PADI2: variants seen among roughly 807,000 people sequenced by gnomAD.
PADI2 encodes the protein peptidyl arginine deiminase 2.
PADI2 carries 70 observed loss-of-function variants against 81.1 expected under a neutral mutation model. The observed-to-expected ratio is 0.86, with a 90% confidence interval of 0.71 to 1.05. The LOEUF (loss-of-function observed/expected upper bound fraction) is 1.05. Among genes scored for constraint, PADI2 ranks in the 50% least tolerant of loss-of-function variants. The pLI is 0.00. For missense variants in PADI2, 853 were observed against 889.9 expected, an observed-to-expected ratio of 0.96 and a Z score of 0.53; for synonymous variants, 338 against 358.0, an observed-to-expected ratio of 0.94 and a Z score of 0.63.
At position 17,076,866 on chromosome 1, in the gene PADI2, C is replaced by T. The variant is rs118023714; in HGVS notation, c.1311-1043G>A. ...TGCTGGGATTACAGGTGTGAGCCAC[C>T]GCTCCCGGCCAGCCCTTCCTCATTT... On this transcript the variant is annotated intron_variant, in intron 11 of 15. Transcript: ENST00000375486. Among the ~76,000 whole-genome samples, 1,045 of 152,202 alleles carry T rather than the reference C, an allele frequency of 6.9e-3. 36 individuals are homozygous for T. In the East Asian group the frequency reaches 0.1, roughly 15 times the overall value.
intron 5 of PADI2, 27 bp downstream of exon 5, chr1:17,093,540 C>A (rs770901242): frequency 2.8e-6 from 4 of 1,414,962 alleles, no homozygotes; most frequent in Non-Finnish European, 4.0e-6. Flanking sequence ...TCTCATCCTG[C>A]CCCCCAAGTG....
intron 10 of PADI2, among the ~76,000 whole-genome samples, chr1:17,082,344 A>G (rs1032143785): frequency 2.0e-5 from 3 of 152,080 alleles, no homozygotes; most frequent in Non-Finnish European, 4.4e-5. Flanking sequence ...AAAACTCTCT[A>G]TGTTTTGGAA....
intron 4 of PADI2, among the ~76,000 whole-genome samples, chr1:17,094,301 C>T (rs928047191): frequency 6.6e-6 from 1 of 152,204 alleles, no homozygotes; most frequent in Admixed American, 6.5e-5. Flanking sequence ...CCTTGCCCCT[C>T]GCTCACTCTG....
intron 1 of PADI2, among the ~76,000 whole-genome samples, chr1:17,113,027 C>T (rs1316130360): frequency 6.6e-6 from 1 of 152,156 alleles, no homozygotes; most frequent in Non-Finnish European, 1.5e-5. Flanking sequence ...TCCTTCAAGA[C>T]CCAGCTCAGT....
rs779855737 is a variant in PADI2, at chr1:17,105,021, A to G, written c.133T>C (p.Ser45Pro). Residue 45 changes from serine to proline, a missense_variant, in exon 2 of 16, where the codon TCG (serine) becomes CCG (proline). Coordinates refer to ENST00000375486, the MANE Select transcript of PADI2 (RefSeq NM_007365.3). Reference sequence around the variant, plus strand: ...ACCACCTCCACCCACACGTGTTCCGAGTGCTTCAGGCTGAAGGTTTGGGCC... The same window carrying G: ...ACCACCTCCACCCACACGTGTTCCGGGTGCTTCAGGCTGAAGGTTTGGGCC... ...AGAQTFSLKH[S>P]EHVWVEVVRD... 1 of 1,602,344 alleles carries G rather than the reference A, an allele frequency of 6.2e-7. No homozygotes were observed. Among genetic ancestry groups the G allele is most frequent in the Admixed American group, 1.7e-5 (1 of 59,582 alleles).
chr1:17,089,494 C>T (rs1451174308), intron 6 of PADI2, among the ~76,000 whole-genome samples: 1 of 152,190 alleles, frequency 6.6e-6, no homozygotes, highest in Non-Finnish European at 1.5e-5. Flanking sequence ...CCACCAAGGT[C>T]TGGGGTAGGA....
rs189842858 is a variant in PADI2, at chr1:17,083,881, G to A, written c.939-44C>T. 12 of 1,160,234 alleles carry A rather than the reference G, an allele frequency of 1.0e-5. No homozygotes were observed. In the East Asian group the frequency reaches 1.4e-4, roughly 14 times the overall value. 71.9% of individuals were successfully genotyped at this position (1,160,234 alleles called of 1,614,324 possible). A position where few individuals can be genotyped will look rare whatever the true frequency, so the allele number is the denominator to read the frequency against. ...AAGGAGAGGCCAGGAGAAAGGGTGA[G>A]GAGGGGCCAGAGTCATCTCCCTGAG... On this transcript the variant is annotated intron_variant, in intron 8 of 15. Transcript: ENST00000375486.
At chr1:17,093,711 G>A (rs1930794675) in intron 4 of PADI2, 27 bp from the exon 5 acceptor site, 1 of 1,349,812 alleles carries the variant, frequency 7.4e-7, no homozygotes, top group African/African-American at 1.4e-5. Flanking sequence ...AAAGGTCAGT[G>A]CCCTCTTCTC....
intron 3 of PADI2, 103 bp from the exon 4 acceptor site, chr1:17,096,073 T>C (rs1930916516): frequency 1.2e-6 from 1 of 820,310 alleles, no homozygotes; most frequent in Admixed American, 2.4e-5. Flanking sequence ...GCCATTCATT[T>C]GGTCACGGGA....
chr1:17,084,005 A>C (rs538203343), intron 8 of PADI2, among the ~76,000 whole-genome samples, 168 bp from the exon 9 acceptor site: 1 of 152,354 alleles, frequency 6.6e-6, no homozygotes, highest in East Asian at 1.9e-4. Context: ...TCAAAGGCCA[A>C]GTAAACCCAC....
intron 13 of PADI2, among the ~76,000 whole-genome samples, chr1:17,072,932 C>T (rs551373913): frequency 6.6e-6 from 1 of 152,160 alleles, no homozygotes; most frequent in South Asian, 2.1e-4. Flanking sequence ...AACAAACTTC[C>T]CATCAGTGGG....
At chr1:17,089,774 G>A (rs894906722) in intron 6 of PADI2, among the ~76,000 whole-genome samples, 1 of 152,156 alleles carries the variant, frequency 6.6e-6, no homozygotes, top group Non-Finnish European at 1.5e-5. Flanking sequence ...TTCTCTGCAG[G>A]AACCAACAAT....
In PADI2 at chr1:17,099,918, A is replaced by C. The variant is rs1008508376; in HGVS notation, c.349+3069T>G. Among the ~76,000 whole-genome samples the C allele has an allele frequency of 2.0e-5, 3 of 152,206 alleles. No homozygotes were observed. The East Asian group carries it at 5.8e-4, about 29-fold the overall frequency. Reference sequence around the variant, plus strand: ...GGGGACAGAGAAAGATCTTAGGCTTACTTCTGTCTACCCAGAAGCCAAGGC... The same window carrying C: ...GGGGACAGAGAAAGATCTTAGGCTTCCTTCTGTCTACCCAGAAGCCAAGGC... On this transcript the variant is annotated intron_variant, in intron 3 of 15. Transcript: ENST00000375486.
intron 7 of PADI2, among the ~76,000 whole-genome samples, chr1:17,086,102 C>T (rs534605639): frequency 6.6e-6 from 1 of 152,306 alleles, no homozygotes; most frequent in Admixed American, 6.5e-5. Context: ...GTTGGTATAA[C>T]CCACAGTTGG....
chr1:17,075,683 G>T lies in PADI2; in HGVS notation c.1451C>A (p.Thr484Lys). Residue 484 changes from threonine to lysine, a missense_variant, in exon 12 of 16, where the codon ACA becomes AAA. Coordinates refer to ENST00000375486, the MANE Select transcript of PADI2 (RefSeq NM_007365.3). Reference sequence around the variant, plus strand: ...AGCCTCGGGAGGCTAGCTTACCTTTGTGCCGGGGATGGGGACAAAGGACAT... The same window carrying T: ...AGCCTCGGGAGGCTAGCTTACCTTTTTGCCGGGGATGGGGACAAAGGACAT... ...EFMSFVPIPG[T>K]KKFLLLMAST... 5.6e-6 allele frequency: 9 copies of T among 1,611,220 alleles called. No individual in the cohort carries two copies. The highest frequency in any genetic ancestry group is 7.6e-6 in the Non-Finnish European group (9 of 1,178,902).
intron 6 of PADI2, among the ~76,000 whole-genome samples, chr1:17,090,581 T>G (rs908843666): frequency 7.0e-6 from 1 of 142,740 alleles, no homozygotes; most frequent in African/African-American, 2.6e-5. Flanking sequence ...CGTCCTTTGC[T>G]TGTGTGTGTG....
rs147159989 is a variant in PADI2, at chr1:17,115,053, A to C, written c.92+4227T>G. 2.0e-5 allele frequency among the ~76,000 whole-genome samples: 3 copies of C among 152,310 alleles called. No individual in the cohort carries two copies. Among genetic ancestry groups the C allele is most frequent in the African/African-American group, 7.2e-5 (3 of 41,562 alleles). ...TTTGTCCTAATGACACTTTTTAAAA[A>C]AGCAAATACATCTCTAGCCTTCACA... On this transcript the variant is annotated intron_variant, in intron 1 of 15. Coordinates refer to ENST00000375486, the MANE Select transcript of PADI2 (RefSeq NM_007365.3). This position sits in a 1 kb window ranked among gnomAD's most constrained non-coding sequence, Gnocchi z 4.1.
At chr1:17,108,527 G>C (rs969853494) in intron 1 of PADI2, among the ~76,000 whole-genome samples, 1 of 152,036 alleles carries the variant, frequency 6.6e-6, no homozygotes, top group East Asian at 2.0e-4. Flanking sequence ...TGAGGGCATG[G>C]TCCGGCCTCT....
At chr1:17,089,659 G>T (rs369016918) in intron 6 of PADI2, among the ~76,000 whole-genome samples, 2 of 152,256 alleles carry the variant, frequency 1.3e-5, no homozygotes, top group African/African-American at 4.8e-5. Flanking sequence ...GCTCCGGGCG[G>T]ACTGATTTCT....
Sources: gnomAD v4.1 joint callset for allele counts (sites outside exome capture counted in the v4.1 genomes callset) on GRCh38, gnomAD v4.1.1 for gene constraint, Gnocchi (gnomAD v3.1) non-coding constraint, MANE v1.5 for transcripts, NCBI Gene and HGNC (gene_info 2026-07-23, HGNC 2026-07-21) for gene names.